The following GATA4 variants were observed in gnomAD, a reference collection of about 807,000 sequenced individuals.
GATA4 encodes the protein GATA binding protein 4, also known as transcription factor GATA-4.
In GATA4, 7 loss-of-function variants were observed where a neutral mutation model predicts 37.9. The observed-to-expected ratio is 0.18, with a 90% CI of 0.11 to 0.35. The LOEUF is 0.35. Ranked by LOEUF, GATA4 falls within the 10% of genes least tolerant of loss-of-function variation. The probability of loss-of-function intolerance (pLI) is 1.00; values close to 1 mark genes in which losing one functional copy is unlikely to be tolerated. For synonymous variants in GATA4, 372 were observed against 292.6 expected, an observed-to-expected ratio of 1.27 and a Z score of -2.77; for missense variants, 647 against 653.0, an observed-to-expected ratio of 0.99 and a Z score of 0.10.
chr8:11,701,836 G>T (rs1003306453), upstream of GATA4, among the ~76,000 whole-genome samples: 1 of 151,920 alleles, frequency 6.6e-6, no homozygotes, highest in Admixed American at 6.6e-5. Context: ...GGAAGGTGTG[G>T]GTAAAGGACC....
intron 2 of GATA4, among the ~76,000 whole-genome samples, chr8:11,715,107 A>G (rs2130112908): frequency 6.6e-6 from 1 of 152,354 alleles, no homozygotes; most frequent in Non-Finnish European, 1.5e-5. Context: ...GAAATAATGA[A>G]GTTCATTATC....
intron 2 of GATA4, among the ~76,000 whole-genome samples, chr8:11,711,506 A>C (rs1800180081): frequency 6.6e-6 from 1 of 151,628 alleles, no homozygotes; most frequent in African/African-American, 2.4e-5. Flanking sequence ...GGCCAGGCGC[A>C]GAGGCTCATG....
intron 2 of GATA4, among the ~76,000 whole-genome samples, chr8:11,731,306 C>G (rs1237469807): frequency 6.6e-6 from 1 of 152,204 alleles, no homozygotes; most frequent in Non-Finnish European, 1.5e-5. Context: ...AAGAGAGAGA[C>G]ACAATATCCA....
chr8:11,730,755 C>A (rs913944635), intron 2 of GATA4, among the ~76,000 whole-genome samples: 3 of 152,218 alleles, frequency 2.0e-5, no homozygotes, highest in African/African-American at 7.2e-5. Flanking sequence ...CAGCGACTGT[C>A]CTGTGGGCAG....
chr8:11,757,374 G>C (rs1238359476), intron 6 of GATA4, among the ~76,000 whole-genome samples: 1 of 152,230 alleles, frequency 6.6e-6, no homozygotes, highest in East Asian at 1.9e-4. Context: ...ATCATCTTTG[G>C]AAACAAAGAG....
rs1259833545 is a variant in GATA4 at position 11,709,363 on chromosome 8, C to G, written c.616+435C>G. 3.3e-5 allele frequency among the ~76,000 whole-genome samples: 5 copies of G among 152,222 alleles called. No individual in the cohort carries two copies. Among genetic ancestry groups the G allele is most frequent in the Non-Finnish European group, 7.3e-5 (5 of 68,034 alleles). ...CCCGCCCTCGGGCCTCCGCAGGGAA[C>G]TGATTACAATGGTTTGGACCGCAGA... On this transcript the variant is annotated intron_variant, in intron 2 of 6. Transcript: ENST00000532059. This position sits in a 1 kb window ranked among gnomAD's most constrained non-coding sequence, Gnocchi z 4.3.
intron 1 of GATA4, chr8:11,683,093 CG>C (rs1799026843): frequency 1.0e-6 from 1 of 985,316 alleles, no homozygotes; most frequent in Non-Finnish European, 1.2e-6. Context: ...GCCTTCTCGC[CG>C]GATTGCCTTG....
intron 2 of GATA4, among the ~76,000 whole-genome samples, chr8:11,735,442 T>A (rs1801406251): frequency 6.6e-6 from 1 of 152,204 alleles, no homozygotes; most frequent in Admixed American, 6.5e-5. Context: ...TTTCTAAAAA[T>A]AAAAATGTTA....
intron 1 of GATA4, chr8:11,692,682 T>G (rs1243777203): frequency 2.0e-6 from 2 of 979,356 alleles, no homozygotes; most frequent in Non-Finnish European, 1.2e-6. Context: ...GGTGCGGGGG[T>G]GAGGGGTGCG....
chr8:11,736,793 C>A (rs1166750168), intron 2 of GATA4, among the ~76,000 whole-genome samples: 2 of 152,196 alleles, frequency 1.3e-5, no homozygotes, highest in African/African-American at 2.4e-5. Context: ...AGCATTTGAT[C>A]TGATATTATC....
chr8:11,681,896 C>G (rs1298440142), intron 1 of GATA4, among the ~76,000 whole-genome samples: 1 of 152,136 alleles, frequency 6.6e-6, no homozygotes, highest in Non-Finnish European at 1.5e-5. Flanking sequence ...ATGTGGTCTG[C>G]GTCTGCCTGG....
At chr8:11,726,072 C>T (rs561780807) in intron 2 of GATA4, among the ~76,000 whole-genome samples, 7 of 152,308 alleles carry the variant, frequency 4.6e-5, no homozygotes, top group South Asian at 2.1e-4. Context: ...TTCTGGGGTC[C>T]GGAATACCAT....
chr8:11,748,086 C>T (rs911473258), intron 2 of GATA4, among the ~76,000 whole-genome samples: 3 of 152,098 alleles, frequency 2.0e-5, no homozygotes, highest in African/African-American at 2.4e-5. Context: ...TGTGTGGTGG[C>T]GCATGCCTGT....
At chr8:11,693,553 A>T (rs1327564078) in intron 1 of GATA4, among the ~76,000 whole-genome samples, 1 of 113,258 alleles carries the variant, frequency 8.8e-6, no homozygotes, top group East Asian at 3.9e-4. Flanking sequence ...ACACACACAC[A>T]CACACACACA....
upstream of GATA4, among the ~76,000 whole-genome samples, chr8:11,690,238 G>A (rs1337471843): frequency 2.6e-5 from 4 of 152,248 alleles, no homozygotes; most frequent in South Asian, 2.1e-4. Flanking sequence ...CATGGCGCCC[G>A]TGTCTCAGCC....
chr8:11,751,411 A>C (rs905478655), intron 4 of GATA4, among the ~76,000 whole-genome samples: 1 of 152,202 alleles, frequency 6.6e-6, no homozygotes, highest in Non-Finnish European at 1.5e-5. Context: ...TCACATGGTC[A>C]CATGTATGCA....
chr8:11,730,615 G>A (rs540334031), intron 2 of GATA4, among the ~76,000 whole-genome samples: 1 of 152,296 alleles, frequency 6.6e-6, no homozygotes, highest in South Asian at 2.1e-4. Context: ...GGGTGTTCAG[G>A]CCATGGCCAG....
chr8:11,709,425 C>G lies in GATA4; in HGVS notation c.616+497C>G, dbSNP rs1385726140. On this transcript the variant is annotated intron_variant, in intron 2 of 6. Coordinates refer to ENST00000532059, the MANE Select transcript of GATA4 (RefSeq NM_001308093.3). This position sits in a 1 kb window ranked among gnomAD's most constrained non-coding sequence, Gnocchi z 4.3. Reference sequence around the variant, plus strand: ...ATTTGGCGGCCCAGCTGGAGGATCCCTCGGGGTAGCTGATGATTTTCCCGT... The same window carrying G: ...ATTTGGCGGCCCAGCTGGAGGATCCGTCGGGGTAGCTGATGATTTTCCCGT... Among the ~76,000 whole-genome samples, 2 of 152,208 alleles carry G rather than the reference C, an allele frequency of 1.3e-5. No homozygotes were observed. Among genetic ancestry groups the G allele is most frequent in the Non-Finnish European group, 2.9e-5 (2 of 68,034 alleles).
upstream of GATA4, among the ~76,000 whole-genome samples, chr8:11,703,118 C>T (rs560395187): frequency 1.3e-5 from 2 of 152,276 alleles, no homozygotes; most frequent in East Asian, 1.9e-4. Context: ...ATCCCGACCC[C>T]TTCCCCCATC....
Sources: gnomAD v4.1 joint callset for allele counts (sites outside exome capture counted in the v4.1 genomes callset) on GRCh38, gnomAD v4.1.1 for gene constraint, Gnocchi (gnomAD v3.1) non-coding constraint, MANE v1.5 for transcripts, NCBI Gene and HGNC (gene_info 2026-07-23, HGNC 2026-07-21) for gene names.